The following WDPCP variants were observed in gnomAD, a reference collection of about 807,000 sequenced individuals.
WDPCP encodes the protein WD repeat-containing and planar cell polarity effector protein fritz homolog.
In WDPCP, 71 loss-of-function variants were observed where a neutral mutation model predicts 93.1. The observed-to-expected ratio is 0.76, with a 90% CI of 0.63 to 0.93. The LOEUF (loss-of-function observed/expected upper bound fraction) is 0.93. WDPCP is among the 40% of genes least tolerant of loss of function. The probability of loss-of-function intolerance (pLI) is 0.00; values close to 1 mark genes in which losing one functional copy is unlikely to be tolerated. For synonymous variants in WDPCP, 315 were observed against 315.0 expected, an observed-to-expected ratio of 1.00 and a Z score of 0.00; for missense variants, 844 against 887.4, an observed-to-expected ratio of 0.95 and a Z score of 0.62.
At chr2:63,681,119 A>G (rs986793665) in intron 2 of WDPCP, among the ~76,000 whole-genome samples, 3 of 152,172 alleles carry the variant, frequency 2.0e-5, no homozygotes, top group Non-Finnish European at 1.5e-5. Context: ...TCCCAGCTGC[A>G]TTAACTATGG....
intron 2 of WDPCP, among the ~76,000 whole-genome samples, chr2:63,731,052 C>G (rs1015594187): frequency 1.3e-5 from 2 of 151,912 alleles, no homozygotes. Flanking sequence ...GGGCGGATCA[C>G]GAGGTCAGGA....
chr2:63,752,730 A>G lies in WDPCP; in HGVS notation n.308+60892T>C, dbSNP rs146683543. 3.0e-3 allele frequency: 682 copies of G among 229,016 alleles called. 4 individuals carry two copies. Among genetic ancestry groups the G allele is most frequent in the African/African-American group, 0.014 (628 of 43,968 alleles). 14.2% of individuals were successfully genotyped at this position (229,016 alleles called of 1,614,324 possible). On this transcript the variant is annotated intron_variant and non_coding_transcript_variant, in intron 2 of 4. Transcript: ENST00000467687. ...TATCCTTATGTTATATTCTTAATCC[A>G]TTTTAGGATTTATCAATTTTGTTGA...
chr2:63,397,072 G>A (rs979436197), intron 10 of WDPCP, among the ~76,000 whole-genome samples: 8 of 152,162 alleles, frequency 5.3e-5, no homozygotes, highest in South Asian at 2.1e-4. Context: ...GATTAACTGC[G>A]GAGTAGGATG....
At chr2:63,437,832 T>G in intron 7 of WDPCP, 1 of 1,592,646 alleles carries the variant, frequency 6.3e-7, no homozygotes, top group Non-Finnish European at 8.6e-7. Flanking sequence ...AACAGGGCTA[T>G]AAAGGTATTT....
At chr2:63,501,069 T>C (rs1701518303) in intron 1 of WDPCP, among the ~76,000 whole-genome samples, 1 of 152,228 alleles carries the variant, frequency 6.6e-6, no homozygotes, top group African/African-American at 2.4e-5. Context: ...ATTCAGGACA[T>C]ATTTATTTGA....
chr2:63,699,859 G>A (rs776383166), intron 2 of WDPCP, among the ~76,000 whole-genome samples: 1 of 152,180 alleles, frequency 6.6e-6, no homozygotes, highest in Non-Finnish European at 1.5e-5. Flanking sequence ...AACTGGGATA[G>A]TATTATACAA....
chr2:63,389,860 T>C (rs567220577), intron 10 of WDPCP, among the ~76,000 whole-genome samples: 6 of 152,198 alleles, frequency 3.9e-5, no homozygotes, highest in South Asian at 2.1e-4. Context: ...CCTAAATATA[T>C]ATGCACCCAA....
rs796755514 is a variant in WDPCP, at chr2:63,816,224, A to G, written n.223-2517T>C. 3.9e-5 allele frequency among the ~76,000 whole-genome samples: 6 copies of G among 152,326 alleles called. 1 individual carries two copies. The highest frequency in any genetic ancestry group is 1.4e-4 in the African/African-American group (6 of 41,584). On this transcript the variant is annotated intron_variant and non_coding_transcript_variant, in intron 1 of 4. Coordinates refer to the WDPCP transcript ENST00000467687. Reference sequence around the variant, plus strand: ...CTGTGAGGCTGAAAACAAATCTACAAAAAGCCTGGTATGGTATGACTCATA... The same window carrying G: ...CTGTGAGGCTGAAAACAAATCTACAGAAAGCCTGGTATGGTATGACTCATA...
intron 2 of WDPCP, among the ~76,000 whole-genome samples, chr2:63,765,915 C>T (rs1024536960): frequency 3.9e-5 from 6 of 152,220 alleles, no homozygotes; most frequent in African/African-American, 1.4e-4. Flanking sequence ...AAGAGCCATA[C>T]ATCTCTCAGT....
chr2:63,354,415 C>T (rs1274510758), intron 12 of WDPCP, among the ~76,000 whole-genome samples: 3 of 152,124 alleles, frequency 2.0e-5, no homozygotes, highest in Non-Finnish European at 4.4e-5. Flanking sequence ...TAAGTAGGCA[C>T]CCCAGGAGTG....
chr2:63,626,048 T>C (rs1709806742), intron 3 of WDPCP, among the ~76,000 whole-genome samples: 1 of 152,116 alleles, frequency 6.6e-6, no homozygotes, highest in African/African-American at 2.4e-5. Context: ...TCTACAACCA[T>C]CTGATCTTTG....
chr2:63,722,341 C>A (rs938499782), intron 2 of WDPCP, among the ~76,000 whole-genome samples: 1 of 150,686 alleles, frequency 6.6e-6, no homozygotes, highest in East Asian at 2.0e-4. Flanking sequence ...TCTGCCCGGC[C>A]GCCCATCGTC....
chr2:63,159,694 T>C (rs1672517424), intron 15 of WDPCP, among the ~76,000 whole-genome samples: 2 of 152,202 alleles, frequency 1.3e-5, no homozygotes, highest in African/African-American at 4.8e-5. Flanking sequence ...TCAAAGCCTC[T>C]TTGCAGGGCT....
chr2:63,794,580 A>AACC (rs1426164997), intron 2 of WDPCP, among the ~76,000 whole-genome samples: 1 of 152,202 alleles, frequency 6.6e-6, no homozygotes, highest in Non-Finnish European at 1.5e-5. Flanking sequence ...ACCACTAGGA[A>AACC]ACCACCTTAG....
chr2:63,150,016 T>A (rs1012360022), intron 17 of WDPCP, among the ~76,000 whole-genome samples: 5 of 151,808 alleles, frequency 3.3e-5, no homozygotes, highest in African/African-American at 7.3e-5. Flanking sequence ...AAAAAAAGAT[T>A]TTATTTATGG....
At chr2:63,434,744 A>G (rs1697020952) in intron 8 of WDPCP, among the ~76,000 whole-genome samples, 1 of 152,154 alleles carries the variant, frequency 6.6e-6, no homozygotes, top group African/African-American at 2.4e-5. Flanking sequence ...TGGACCAGAC[A>G]CTAGCAAAGG....
chr2:63,345,245 G>A (rs1689111733), intron 12 of WDPCP, among the ~76,000 whole-genome samples: 1 of 152,146 alleles, frequency 6.6e-6, no homozygotes, highest in Non-Finnish European at 1.5e-5. Context: ...GTATTTTCAT[G>A]TTAGGACTAC....
intron 12 of WDPCP, among the ~76,000 whole-genome samples, chr2:63,366,817 T>C (rs748352716): frequency 2.0e-5 from 3 of 152,094 alleles, no homozygotes; most frequent in Non-Finnish European, 4.4e-5. Flanking sequence ...GGTGTAGACT[T>C]TGAGGTCACA....
chr2:63,765,945 C>T (rs1670131609), intron 2 of WDPCP, among the ~76,000 whole-genome samples: 1 of 152,184 alleles, frequency 6.6e-6, no homozygotes, highest in African/African-American at 2.4e-5. Flanking sequence ...GCCAGGCTTC[C>T]TATCAGATAT....
Sources: allele counts gnomAD v4.1 joint callset (sites outside exome capture counted in the v4.1 genomes callset), GRCh38; gene constraint gnomAD v4.1.1; transcripts MANE v1.5; gene names NCBI Gene and HGNC (gene_info 2026-07-23, HGNC 2026-07-21).